The following DPP10 variants were observed in gnomAD, a reference collection of about 807,000 sequenced individuals.
DPP10 encodes inactive dipeptidyl peptidase 10.
In DPP10, 33 loss-of-function variants were observed where a neutral mutation model predicts 120.9. The observed-to-expected ratio is 0.27, with a 90% CI of 0.21 to 0.37. The LOEUF is 0.37. DPP10 is among the 10% of genes least tolerant of loss of function. The pLI is 1.00. For synonymous variants in DPP10, 337 were observed against 326.1 expected (o/e 1.03, Z -0.36); for missense variants, 816 against 942.8 (o/e 0.87, Z 1.76).
chr2:114,647,901 A>C (rs974746275), intron 1 of DPP10, among the ~76,000 whole-genome samples: 1 of 151,958 alleles, frequency 6.6e-6, no homozygotes, highest in African/African-American at 2.4e-5. Flanking sequence ...CCTGTCTGCT[A>C]TCTCCTGTTC....
intron 5 of DPP10, among the ~76,000 whole-genome samples, chr2:115,561,223 G>T (rs1488629251): frequency 6.6e-6 from 1 of 151,828 alleles, no homozygotes; most frequent in African/African-American, 2.4e-5. Flanking sequence ...GCCGGGCTTG[G>T]TGGCACGCAC....
chr2:115,302,552 T>C (rs901888539), intron 1 of DPP10, among the ~76,000 whole-genome samples: 5 of 151,542 alleles, frequency 3.3e-5, no homozygotes, highest in Non-Finnish European at 7.4e-5. Context: ...AGGAGGTTGA[T>C]ACTACAGTGA....
chr2:115,069,776 TCTTTC>T (rs1707222585), intron 1 of DPP10, among the ~76,000 whole-genome samples: 1 of 152,018 alleles, frequency 6.6e-6, no homozygotes, highest in Admixed American at 6.6e-5. Context: ...TCTCTGAGAA[TCTTTC>T]CTTTCTTTTT....
intron 19 of DPP10, among the ~76,000 whole-genome samples, chr2:115,807,525 T>C (rs1363619526): frequency 1.3e-5 from 2 of 152,202 alleles, no homozygotes; most frequent in Admixed American, 1.3e-4. Context: ...TCTTCATTAC[T>C]CTCATGATGG....
intron 1 of DPP10, among the ~76,000 whole-genome samples, chr2:114,503,149 A>G (rs1450016951): frequency 6.6e-6 from 1 of 152,342 alleles, no homozygotes; most frequent in Middle Eastern, 3.4e-3. Flanking sequence ...AATCACCAAT[A>G]GCATGGGGCT....
chr2:115,412,900 C>T (rs1166662672), intron 3 of DPP10, among the ~76,000 whole-genome samples: 1 of 152,162 alleles, frequency 6.6e-6, no homozygotes, highest in African/African-American at 2.4e-5. Context: ...GAGGGCCTCT[C>T]ATCTACCAGG....
intron 1 of DPP10, among the ~76,000 whole-genome samples, chr2:114,756,402 T>C (rs1014757973): frequency 6.6e-6 from 1 of 152,210 alleles, no homozygotes; most frequent in East Asian, 1.9e-4. Context: ...GGATGTTTGG[T>C]TGGCAACAGT....
At chr2:114,740,089 A>G (rs1029369238) in intron 1 of DPP10, among the ~76,000 whole-genome samples, 1 of 151,538 alleles carries the variant, frequency 6.6e-6, no homozygotes, top group Non-Finnish European at 1.5e-5. Context: ...TCACAATAGC[A>G]AAGACTTGGA....
intron 1 of DPP10, among the ~76,000 whole-genome samples, chr2:114,874,007 G>A (rs1690932943): frequency 6.6e-6 from 1 of 152,150 alleles, no homozygotes; most frequent in Admixed American, 6.6e-5. Context: ...GTTCAAGTTG[G>A]CAGATAAAGT....
At chr2:115,810,866 A>T (rs2150020123) in intron 19 of DPP10, among the ~76,000 whole-genome samples, 1 of 152,316 alleles carries the variant, frequency 6.6e-6, no homozygotes, top group East Asian at 1.9e-4. Context: ...CTCAGAAAGA[A>T]ACAAAAATAA....
chr2:115,483,475 C>CTA (rs1553426862), intron 3 of DPP10, among the ~76,000 whole-genome samples: 12,437 of 84,764 alleles, frequency 0.15, 558 homozygotes, highest in Non-Finnish European at 0.17. Flanking sequence ...ATCTATCTAT[C>CTA]TATCTGTATG....
intron 3 of DPP10, among the ~76,000 whole-genome samples, chr2:115,427,815 A>T (rs1386315364): frequency 6.6e-6 from 1 of 151,938 alleles, no homozygotes; most frequent in Non-Finnish European, 1.5e-5. Flanking sequence ...TTTTGTTTCT[A>T]CCCCACAGCC....
At chr2:115,601,804 G>T (rs1411229602) in intron 5 of DPP10, among the ~76,000 whole-genome samples, 1 of 151,556 alleles carries the variant, frequency 6.6e-6, no homozygotes, top group African/African-American at 2.4e-5. Flanking sequence ...CTCCCAGGTA[G>T]CTGGTATTGC....
chr2:115,006,480 A>G (rs1278993738), intron 1 of DPP10, among the ~76,000 whole-genome samples: 5 of 151,518 alleles, frequency 3.3e-5, no homozygotes, highest in Admixed American at 6.6e-5. Context: ...CCCATCTCAC[A>G]TGCAGAGACA....
chr2:115,660,920 A>G (rs1226044690), intron 5 of DPP10, among the ~76,000 whole-genome samples: 3 of 152,038 alleles, frequency 2.0e-5, no homozygotes, highest in African/African-American at 7.2e-5. Context: ...AAGGATAACC[A>G]TTATCAGAAG....
intron 1 of DPP10, among the ~76,000 whole-genome samples, chr2:114,854,035 T>C (rs1689178230): frequency 6.6e-6 from 1 of 152,236 alleles, no homozygotes; most frequent in Non-Finnish European, 1.5e-5. Context: ...TAAATGTTTC[T>C]TCTTTTCAAC....
At chr2:115,204,278 A>C (rs1032145103) in intron 1 of DPP10, among the ~76,000 whole-genome samples, 2 of 152,142 alleles carry the variant, frequency 1.3e-5, no homozygotes, top group African/African-American at 4.8e-5. Context: ...AAAGTAATTT[A>C]CCTTTGTCTA....
intron 1 of DPP10, among the ~76,000 whole-genome samples, chr2:114,530,710 C>A (rs760068908): frequency 6.6e-6 from 1 of 152,044 alleles, no homozygotes; most frequent in South Asian, 2.1e-4. Context: ...GCAGAAGCAT[C>A]TATGGAAGTA....
chr2:115,500,315 A>G (rs190298337), intron 4 of DPP10, among the ~76,000 whole-genome samples: 98 of 152,084 alleles, frequency 6.4e-4, no homozygotes, highest in Admixed American at 2.4e-3. Context: ...TTACTATTTT[A>G]TTGTAATTAA....
Sources: allele counts gnomAD v4.1 joint callset (sites outside exome capture counted in the v4.1 genomes callset), GRCh38; gene constraint gnomAD v4.1.1; transcripts MANE v1.5; gene names NCBI Gene and HGNC (gene_info 2026-07-23, HGNC 2026-07-21).